Variants in MAML2 observed in about 807,000 individuals in gnomAD.
MAML2 encodes the protein mastermind like transcriptional coactivator 2.
MAML2 carries 22 observed loss-of-function variants against 96.1 expected under a neutral mutation model. The ratio of observed to expected loss-of-function variants is 0.23; its 90% CI spans 0.16 to 0.33. The LOEUF is 0.33. Among genes scored for constraint, MAML2 ranks in the 10% least tolerant of loss-of-function variants. MAML2 has a pLI of 1.00. For missense variants in MAML2, 1,367 were observed against 1,392.4 expected (o/e 0.98, Z 0.29); for synonymous variants, 561 against 521.3 (o/e 1.08, Z -1.04).
intron 1 of MAML2, among the ~76,000 whole-genome samples, chr11:96,250,159 A>C (rs1862563637): frequency 6.6e-6 from 1 of 152,146 alleles, no homozygotes; most frequent in Non-Finnish European, 1.5e-5. Context: ...GGCACACTAC[A>C]GTATTACCTG....
At chr11:96,044,417 C>T (rs1858863553) in intron 2 of MAML2, among the ~76,000 whole-genome samples, 1 of 152,178 alleles carries the variant, frequency 6.6e-6, no homozygotes, top group Non-Finnish European at 1.5e-5. Flanking sequence ...TTCAACCATT[C>T]TTTGGGTATA....
chr11:95,977,773 G>C lies in MAML2; in HGVS notation c.*1175C>G. On this transcript the variant is annotated 3_prime_UTR_variant, in exon 5 of 5. Coordinates refer to ENST00000524717, the MANE Select transcript of MAML2 (RefSeq NM_032427.4). ...CACATCAGGGACAAAAGAACAAACA[G>C]AATGCTCCTAACAGACCACATTCCA... is the stretch of plus-strand genomic sequence containing the variant. 1 of 224,910 alleles carries C rather than the reference G, an allele frequency of 4.4e-6. No individual in the cohort carries two copies. The allele number at this position is 224,910 out of a possible 1,614,324, so 13.9% of individuals were successfully genotyped here. A position where few individuals can be genotyped will look rare whatever the true frequency, so the allele number is the denominator to read the frequency against.
intron 2 of MAML2, among the ~76,000 whole-genome samples, chr11:96,026,812 C>A: frequency 9.6e-6 from 1 of 104,710 alleles, no homozygotes. Flanking sequence ...CCCAGCATTG[C>A]TATGGGGTTA....
intron 2 of MAML2, among the ~76,000 whole-genome samples, chr11:96,021,724 C>T (rs538260603): frequency 7.9e-5 from 12 of 152,298 alleles, no homozygotes; most frequent in South Asian, 2.1e-4. Flanking sequence ...CCATCGTGCA[C>T]GTACAGTGTA....
intron 1 of MAML2, among the ~76,000 whole-genome samples, chr11:96,325,520 G>A (rs775857572): frequency 6.6e-6 from 1 of 152,132 alleles, no homozygotes; most frequent in Admixed American, 6.5e-5. Flanking sequence ...ATAGCATAAG[G>A]TTTCTGTGAG....
At chr11:96,245,101 AAT>A (rs908437099) in intron 1 of MAML2, among the ~76,000 whole-genome samples, 5 of 152,214 alleles carry the variant, frequency 3.3e-5, no homozygotes, top group Admixed American at 3.3e-4. Context: ...TGACATACAA[AAT>A]ATAATACTCA....
intron 2 of MAML2, among the ~76,000 whole-genome samples, chr11:96,024,756 C>A (rs1421535686): frequency 6.6e-6 from 1 of 152,168 alleles, no homozygotes; most frequent in Non-Finnish European, 1.5e-5. Flanking sequence ...GGTACTTTCA[C>A]GCCCTGGCAA....
In MAML2 at chr11:96,342,841, A is replaced by AT; in HGVS notation, c.-947dup. The stretch of plus-strand genomic sequence containing the variant: ...GTTTCTATTCCTCACCCCCGGCTCT[A>AT]TTCTAATACAGTATCAAGAGAGACA... On this transcript the variant is annotated 5_prime_UTR_variant, in exon 1 of 5. Coordinates refer to ENST00000524717, the MANE Select transcript of MAML2 (RefSeq NM_032427.4). The AT allele has an allele frequency of 3.1e-6, 1 of 327,336 alleles. No individual in the cohort carries two copies. The highest frequency in any genetic ancestry group is 5.5e-6 in the Non-Finnish European group (1 of 181,186). The allele number at this position is 327,336 out of a possible 1,614,324, so 20.3% of individuals were successfully genotyped here.
In MAML2 at chr11:96,039,881, C is replaced by A. The variant is rs1437250203; in HGVS notation, c.2140-48158G>T. ...GCTGAGGCAGGAGAATGGCGTGAAC[C>A]CGGGAGGCGAAGCTTGCAGTGAGCA... On this transcript the variant is annotated intron_variant, in intron 2 of 4. Coordinates refer to ENST00000524717, the MANE Select transcript of MAML2 (RefSeq NM_032427.4). Among the ~76,000 whole-genome samples, 17 of 151,640 alleles carry A rather than the reference C, an allele frequency of 1.1e-4. 1 individual carries two copies. The highest frequency in any genetic ancestry group is 9.9e-4 in the Admixed American group (15 of 15,216).
In MAML2 at chr11:96,094,497, T is replaced by TA. The variant is rs1285759909; in HGVS notation, c.514-981dup. Among the ~76,000 whole-genome samples the TA allele has an allele frequency of 2.0e-5, 3 of 152,354 alleles. No homozygotes were observed. The East Asian group carries it at 5.8e-4, about 29-fold the overall frequency. ...AATTTGTAGAAAAAGTATGGCTTAC[T>TA]ACATGCTGAAAGGGGAGCTTGTCTA... On this transcript the variant is annotated intron_variant, in intron 1 of 4. Coordinates refer to ENST00000524717, the MANE Select transcript of MAML2 (RefSeq NM_032427.4).
intron 2 of MAML2, among the ~76,000 whole-genome samples, chr11:96,077,681 A>C (rs1159375200): frequency 1.3e-5 from 2 of 152,336 alleles, no homozygotes; most frequent in East Asian, 3.9e-4. Context: ...TCAGAAATGC[A>C]AAACACAGCC....
intron 1 of MAML2, among the ~76,000 whole-genome samples, chr11:96,233,003 C>T (rs1431123517): frequency 1.3e-5 from 2 of 152,208 alleles, no homozygotes; most frequent in African/African-American, 4.8e-5. Flanking sequence ...AATATCCTAT[C>T]ATGTGTCTAG....
At chr11:96,033,998 C>G (rs1399991971) in intron 2 of MAML2, among the ~76,000 whole-genome samples, 1 of 152,098 alleles carries the variant, frequency 6.6e-6, no homozygotes, top group African/African-American at 2.4e-5. Flanking sequence ...AAAATCTTTT[C>G]TTTCCTATTA....
intron 2 of MAML2, among the ~76,000 whole-genome samples, chr11:96,042,892 G>A (rs1858839650): frequency 6.6e-6 from 1 of 151,854 alleles, no homozygotes; most frequent in Non-Finnish European, 1.5e-5. Context: ...CTACAGGCAT[G>A]TACCACCACA....
intron 1 of MAML2, among the ~76,000 whole-genome samples, chr11:96,307,670 G>A (rs1057030266): frequency 3.9e-5 from 6 of 152,174 alleles, no homozygotes; most frequent in Non-Finnish European, 8.8e-5. Context: ...CTGCCTAGCA[G>A]TAAGAGCAGG....
At chr11:96,261,349 T>C (rs550440752) in intron 1 of MAML2, among the ~76,000 whole-genome samples, 18 of 152,164 alleles carry the variant, frequency 1.2e-4, no homozygotes, top group South Asian at 8.3e-4. Flanking sequence ...CCTCCATAAC[T>C]GTAAGAAATA....
At chr11:96,230,845 C>T (rs1862283583) in intron 1 of MAML2, among the ~76,000 whole-genome samples, 1 of 152,212 alleles carries the variant, frequency 6.6e-6, no homozygotes. Flanking sequence ...ACTTCTCTAC[C>T]CAAATAGCGG....
At chr11:95,989,725 T>A (rs1857882114) in intron 3 of MAML2, among the ~76,000 whole-genome samples, 1 of 152,204 alleles carries the variant, frequency 6.6e-6, no homozygotes, top group Admixed American at 6.5e-5. Context: ...TTGTGTCACT[T>A]TGTGATCCAG....
At chr11:96,168,243 A>C (rs1861223600) in intron 1 of MAML2, among the ~76,000 whole-genome samples, 1 of 152,246 alleles carries the variant, frequency 6.6e-6, no homozygotes, top group African/African-American at 2.4e-5. Context: ...TTATGAAAGC[A>C]ATCAGTATAG....
Sources: allele counts gnomAD v4.1 joint callset (sites outside exome capture counted in the v4.1 genomes callset), GRCh38; gene constraint gnomAD v4.1.1; transcripts MANE v1.5; gene names NCBI Gene and HGNC (gene_info 2026-07-23, HGNC 2026-07-21).